NFU1: variants seen among roughly 807,000 people sequenced by gnomAD.
NFU1 encodes NFU1 iron-sulfur cluster scaffold homolog, mitochondrial.
Under a neutral mutation model 32.2 loss-of-function variants are expected in NFU1, and 30 were observed. The observed-to-expected ratio is 0.93, with a 90% CI of 0.70 to 1.26. NFU1 has a LOEUF of 1.26. NFU1 is among the 50% of genes most tolerant of loss of function. NFU1 has a pLI of 0.00. For synonymous variants in NFU1, 112 were observed against 104.6 expected, an observed-to-expected ratio of 1.07 and a Z score of -0.43; for missense variants, 306 against 306.6, an observed-to-expected ratio of 1.00 and a Z score of 0.02.
In NFU1 at chr2:69,417,361, G is replaced by A. The variant is rs367632053; in HGVS notation, c.370-2062C>T. ...ATTCCGTCTATTAAATACCAACGTG[G>A]GCCAGGCGTGGTGGCTCACACCTGT... On this transcript the variant is annotated intron_variant, in intron 4 of 7. Transcript: ENST00000410022. Among the ~76,000 whole-genome samples, 58 of 152,064 alleles carry A rather than the reference G, an allele frequency of 3.8e-4. 1 individual carries two copies. The South Asian group carries it at 0.011, about 29-fold the overall frequency.
At chr2:69,400,187 A>G in intron 7 of NFU1, 177 bp downstream of exon 7, 1 of 623,910 alleles carries the variant, frequency 1.6e-6, no homozygotes, top group East Asian at 2.9e-5. Flanking sequence ...GTTACTTCTA[A>G]AATAAGAGAC....
In NFU1 at chr2:69,421,562, C is replaced by CTTTTT. The variant is rs763705011; in HGVS notation, c.303-1963_303-1959dup. ...CATCCCAACAATTTTATCATTTGTG[C>CTTTTT]TTTTTTTTTTTTTTTTTTTTTTTTT... On this transcript the variant is annotated intron_variant, in intron 3 of 7. Transcript: ENST00000410022. Among the ~76,000 whole-genome samples, 56 of 70,756 alleles carry CTTTTT rather than the reference C, an allele frequency of 7.9e-4. 1 individual carries two copies. The highest frequency in any genetic ancestry group is 1.5e-3 in the Admixed American group (7 of 4,734). 46.4% of individuals were successfully genotyped at this position (70,756 alleles called of 152,430 possible).
At chr2:69,438,902 A>C (rs1057308773), upstream of NFU1, among the ~76,000 whole-genome samples, 35 of 27,294 alleles carry the variant, frequency 1.3e-3, no homozygotes, top group Admixed American at 1.5e-3. Context: ...CCAACCCCCC[A>C]CCCACCCCCC....
intron 6 of NFU1, among the ~76,000 whole-genome samples, chr2:69,404,102 T>A (rs1159785054): frequency 6.6e-6 from 1 of 151,090 alleles, no homozygotes; most frequent in Non-Finnish European, 1.5e-5. Flanking sequence ...CCTCCCAAAG[T>A]GCTGGGATTA....
intron 6 of NFU1, among the ~76,000 whole-genome samples, chr2:69,402,997 C>CTCCT (rs1672575690): frequency 6.8e-6 from 1 of 147,132 alleles, no homozygotes; most frequent in Admixed American, 6.8e-5. Flanking sequence ...CCCTCCCTCC[C>CTCCT]TCCTTCCTTC....
intron 7 of NFU1, among the ~76,000 whole-genome samples, chr2:69,397,900 G>A (rs1011654626): frequency 1.5e-5 from 2 of 130,596 alleles, no homozygotes; most frequent in Non-Finnish European, 3.1e-5. Context: ...GGCAACAAGA[G>A]TGAAACTACG....
chr2:69,431,344 C>G (rs1310215785), intron 2 of NFU1, among the ~76,000 whole-genome samples: 2 of 152,122 alleles, frequency 1.3e-5, no homozygotes, highest in Non-Finnish European at 2.9e-5. Context: ...CCCACTTTGT[C>G]ACCCAGGCTG....
upstream of NFU1, among the ~76,000 whole-genome samples, chr2:69,439,300 G>A (rs1221823622): frequency 2.0e-5 from 3 of 152,166 alleles, no homozygotes; most frequent in Non-Finnish European, 4.4e-5. Context: ...CAAGAATGAA[G>A]CCATGGACCC....
Position 69,431,954 on chromosome 2 carries a change from A to C in NFU1, c.114T>G (p.His38Gln). The stretch of plus-strand genomic sequence containing the variant: ...GGAAAAGTGGTCTTTGTACAAACTG[A>C]TGCAGAGGCTGTTTCTTAATGGTGT... ...NPYTIKKQPLHQFVQRPLFPL... is the reference protein window; with the variant it reads ...NPYTIKKQPLQQFVQRPLFPL... Residue 38 changes from histidine to glutamine, a missense_variant, in exon 2 of 8, where the codon CAT (histidine) becomes CAG (glutamine). By Grantham distance (24) the His-to-Gln change is conservative. Transcript: ENST00000410022. 1 of 1,613,948 alleles carries C rather than the reference A, an allele frequency of 6.2e-7. No individual in the cohort carries two copies. Among genetic ancestry groups the C allele is most frequent in the Non-Finnish European group, 8.5e-7 (1 of 1,179,888 alleles).
At position 69,400,392 on chromosome 2, in the gene NFU1, T is replaced by C. The variant is rs751350886; in HGVS notation, c.692A>G (p.Tyr231Cys). 12 of 1,614,030 alleles carry C rather than the reference T, an allele frequency of 7.4e-6. No individual in the cohort carries two copies. The highest frequency in any genetic ancestry group is 1.0e-5 in the Non-Finnish European group (12 of 1,180,018). Reference sequence around the variant, plus strand: ...TTCTACGCCTTCTACCTCCGGAATATAAAACTGCAGCATGTTCTGAATTCC... The same window carrying C: ...TTCTACGCCTTCTACCTCCGGAATACAAAACTGCAGCATGTTCTGAATTCC... ...KNGIQNMLQF[Y>C]IPEVEGVEQV... The change falls in exon 7 of 8, where the codon TAT becomes TGT. Residue 231 changes from tyrosine (Y) to cysteine (C), a missense_variant. Physicochemically the swap from Tyr to Cys is radical, Grantham distance 194. Transcript: ENST00000410022.
At chr2:69,427,466 G>T (rs751589827) in intron 2 of NFU1, among the ~76,000 whole-genome samples, 25 of 151,922 alleles carry the variant, frequency 1.6e-4, no homozygotes, top group South Asian at 4.2e-4. Context: ...TGGATCACAA[G>T]GTCAGGAGTT....
At chr2:69,404,266 T>C (rs1672622058) in intron 6 of NFU1, among the ~76,000 whole-genome samples, 1 of 150,848 alleles carries the variant, frequency 6.6e-6, no homozygotes, top group Admixed American at 6.6e-5. Flanking sequence ...CCGAGGAGGG[T>C]AGATCACCTG....
At chr2:69,423,788 C>A in intron 2 of NFU1, 71 bp from the exon 3 acceptor site, 3 of 1,124,252 alleles carry the variant, frequency 2.7e-6, no homozygotes, top group South Asian at 2.7e-5. Flanking sequence ...ATGAAGTGCT[C>A]ATTTGCAGAG....
intron 5 of NFU1, among the ~76,000 whole-genome samples, chr2:69,413,334 C>T (rs6754552): frequency 0.47 from 62,856 of 132,894 alleles, 14,281 homozygotes; most frequent in African/African-American, 0.59. Flanking sequence ...ACCCAACATA[C>T]GGGTAAAAAA....
intron 2 of NFU1, among the ~76,000 whole-genome samples, chr2:69,426,126 C>T (rs925779892): frequency 2.0e-5 from 3 of 152,086 alleles, no homozygotes; most frequent in Non-Finnish European, 2.9e-5. Context: ...GTGTGCACCA[C>T]CACACCCAGC....
intron 5 of NFU1, among the ~76,000 whole-genome samples, chr2:69,409,045 T>C (rs1307259413): frequency 6.6e-6 from 1 of 151,888 alleles, no homozygotes. Context: ...TTACACCATG[T>C]TGGCCAGGCC....
chr2:69,423,277 T>C (rs930704440), intron 3 of NFU1, among the ~76,000 whole-genome samples: 5 of 134,754 alleles, frequency 3.7e-5, no homozygotes, highest in Non-Finnish European at 6.4e-5. Context: ...TGTGTGTGTG[T>C]GTGTGTGTGT....
intron 2 of NFU1, among the ~76,000 whole-genome samples, chr2:69,428,391 CACTCCAGCCTGCGAGACAT>C (rs1673535887): frequency 6.6e-6 from 1 of 151,760 alleles, no homozygotes; most frequent in African/African-American, 2.4e-5. Flanking sequence ...AGCCACCACG[CACTCCAGCCTGCGAGACAT>C]AGTGAGACTC....
At chr2:69,400,260 A>G (rs767957384) in intron 7 of NFU1, 104 bp downstream of exon 7, 17 of 1,063,012 alleles carry the variant, frequency 1.6e-5, no homozygotes, top group South Asian at 2.7e-5. Context: ...TAGGTCATGA[A>G]CTTCTTTTCA....
Sources: allele counts gnomAD v4.1 joint callset (sites outside exome capture counted in the v4.1 genomes callset), GRCh38; gene constraint gnomAD v4.1.1; transcripts MANE v1.5; gene names NCBI Gene and HGNC (gene_info 2026-07-23, HGNC 2026-07-21).